Variants in ANO6 observed in about 807,000 individuals in gnomAD.
The protein encoded by ANO6 is anoctamin-6.
A neutral mutation model predicts 117.5 loss-of-function variants in ANO6; 106 were observed. The observed-to-expected ratio is 0.90, with a 90% CI of 0.77 to 1.06. ANO6 has a LOEUF of 1.06. ANO6 is among the 50% of genes least tolerant of loss of function. The pLI is 0.00. For missense variants in ANO6, 955 were observed against 1,121.1 expected (o/e 0.85, Z 2.12); for synonymous variants, 367 against 385.1 (o/e 0.95, Z 0.55).
chr12:45,324,029 C>T (rs1940377222), intron 2 of ANO6, among the ~76,000 whole-genome samples: 1 of 151,140 alleles, frequency 6.6e-6, no homozygotes, highest in Non-Finnish European at 1.5e-5. Flanking sequence ...CCTCCGCCTC[C>T]CAGGTTCAAG....
chr12:45,261,525 G>A (rs1257184175), intron 1 of ANO6, among the ~76,000 whole-genome samples: 1 of 152,212 alleles, frequency 6.6e-6, no homozygotes, highest in Non-Finnish European at 1.5e-5. Flanking sequence ...GACAACTGAG[G>A]CCAGGAACAC....
At chr12:45,229,713 T>A (rs996708961) in intron 1 of ANO6, among the ~76,000 whole-genome samples, 10 of 152,144 alleles carry the variant, frequency 6.6e-5, no homozygotes, top group African/African-American at 2.4e-4. Flanking sequence ...TAATTCTACC[T>A]CTGTCCCATT....
intron 1 of ANO6, among the ~76,000 whole-genome samples, chr12:45,263,812 G>A (rs1938126741): frequency 6.6e-6 from 1 of 152,168 alleles, no homozygotes; most frequent in Non-Finnish European, 1.5e-5. Flanking sequence ...GCCTTGGTTT[G>A]ACAAATGCTT....
intron 16 of ANO6, among the ~76,000 whole-genome samples, chr12:45,415,151 T>C (rs74446030): frequency 0.032 from 4,828 of 152,282 alleles, 105 homozygotes; most frequent in African/African-American, 0.06. Flanking sequence ...AAATTTGATA[T>C]GTCCCTGAAT....
chr12:45,348,500 AT>A lies in ANO6; in HGVS notation c.634-14del. The A allele has an allele frequency of 6.2e-7, 1 of 1,600,476 alleles. No homozygotes were observed. On this transcript the variant is annotated splice_polypyrimidine_tract_variant and intron_variant, in intron 5 of 19. Transcript: ENST00000320560. ...TTACACTATATAAACCGCATACTCTATTTTGGAATCTTTTTAGGTTTACTTC... is the reference window on the plus strand; with the variant it reads ...TTACACTATATAAACCGCATACTCTATTTGGAATCTTTTTAGGTTTACTTC...
intron 7 of ANO6, 97 bp from the exon 8 acceptor site, chr12:45,357,193 A>G: frequency 7.1e-7 from 1 of 1,414,128 alleles, no homozygotes; most frequent in South Asian, 1.2e-5. Context: ...ATTTAAGCTT[A>G]AAGCCTCTCC....
chr12:45,400,015 C>T (rs933860219), intron 12 of ANO6, among the ~76,000 whole-genome samples: 3 of 152,186 alleles, frequency 2.0e-5, no homozygotes, highest in African/African-American at 7.2e-5. Context: ...AATTAGAATT[C>T]ATTTCATAAA....
At chr12:45,243,724 G>T (rs1947781144) in intron 1 of ANO6, among the ~76,000 whole-genome samples, 1 of 151,856 alleles carries the variant, frequency 6.6e-6, no homozygotes, top group African/African-American at 2.4e-5. Flanking sequence ...TAATTTTTGT[G>T]TTTTTTGTAG....
Position 45,231,576 on chromosome 12 carries a change from C to G in ANO6, c.70+15185C>G, listed in dbSNP as rs1947574986. Among the ~76,000 whole-genome samples, 3 of 152,190 alleles carry G rather than the reference C, an allele frequency of 2.0e-5. No individual in the cohort carries two copies. The South Asian group carries it at 6.2e-4, about 31-fold the overall frequency. ...AAGCCTTTCATAGGAGTTACTTTTTCTATGAAAGCCAAAATTCCATCTTTC... is the reference window on the plus strand; with the variant it reads ...AAGCCTTTCATAGGAGTTACTTTTTGTATGAAAGCCAAAATTCCATCTTTC... On this transcript the variant is annotated intron_variant, in intron 1 of 19. Transcript: ENST00000320560.
rs948903772 is a variant in ANO6, at chr12:45,414,958, A to G, written c.2012-1741A>G. On this transcript the variant is annotated intron_variant, in intron 16 of 19. Coordinates refer to ENST00000320560, the MANE Select transcript of ANO6 (RefSeq NM_001025356.3). ...TTTGTATTTTTTGTAGAGACAGGGT[A>G]TGTTGCCTAGGCTGGTCTCAAACTC... is the stretch of plus-strand genomic sequence containing the variant. Among the ~76,000 whole-genome samples the G allele has an allele frequency of 2.6e-5, 4 of 151,964 alleles. No homozygotes were observed. The East Asian group carries it at 5.8e-4, about 22-fold the overall frequency.
intron 1 of ANO6, among the ~76,000 whole-genome samples, chr12:45,271,841 C>T (rs1938402557): frequency 6.6e-6 from 1 of 152,134 alleles, no homozygotes; most frequent in Non-Finnish European, 1.5e-5. Flanking sequence ...AACTGGGCCT[C>T]GTTGTAGAGT....
intron 3 of ANO6, among the ~76,000 whole-genome samples, chr12:45,337,155 A>C (rs1940850074): frequency 6.6e-6 from 1 of 152,122 alleles, no homozygotes; most frequent in Non-Finnish European, 1.5e-5. Flanking sequence ...GCAGTAGTGC[A>C]CATAATGTCT....
chr12:45,359,088 T>C lies in ANO6; in HGVS notation c.998+1664T>C, dbSNP rs142797043. Among the ~76,000 whole-genome samples, 194 of 152,330 alleles carry C rather than the reference T, an allele frequency of 1.3e-3. 2 individuals are homozygous for C. The highest frequency in any genetic ancestry group is 4.3e-3 in the African/African-American group (180 of 41,576). On this transcript the variant is annotated intron_variant, in intron 8 of 19. Transcript: ENST00000320560. ...CGTGAGCCACTGTGCCCGGTCCTTA[T>C]GCCCCCTTTTAAAAATAACAGTTAT...
chr12:45,292,959 A>G (rs1939152863), intron 1 of ANO6: 1 of 1,551,056 alleles, frequency 6.4e-7, no homozygotes. Flanking sequence ...CTATTTGGTG[A>G]GTTGCTGGAA....
chr12:45,352,157 TGA>T (rs1371487955), intron 7 of ANO6, among the ~76,000 whole-genome samples: 1 of 151,982 alleles, frequency 6.6e-6, no homozygotes, highest in Non-Finnish European at 1.5e-5. Flanking sequence ...ACCTTAAAAG[TGA>T]GAGTTTTAAA....
chr12:45,297,754 A>G (rs956419589), intron 1 of ANO6, among the ~76,000 whole-genome samples: 4 of 152,208 alleles, frequency 2.6e-5, no homozygotes, highest in Non-Finnish European at 4.4e-5. Flanking sequence ...ACTGTGTTAT[A>G]TAATTAATTC....
intron 12 of ANO6, among the ~76,000 whole-genome samples, chr12:45,397,781 A>G (rs1195984738): frequency 6.6e-6 from 1 of 152,206 alleles, no homozygotes; most frequent in Non-Finnish European, 1.5e-5. Flanking sequence ...TGGGAATTGA[A>G]CAATGAGATA....
At chr12:45,311,413 T>C (rs12317457) in intron 2 of ANO6, among the ~76,000 whole-genome samples, 11,086 of 152,092 alleles carry the variant, frequency 0.073, 1,360 homozygotes, top group African/African-American at 0.25. Context: ...CATTTGTACC[T>C]GTGTCCAGAA....
At position 45,414,665 on chromosome 12, in the gene ANO6, A is replaced by AT. The variant is rs886627242; in HGVS notation, c.2012-2028dup. Reference sequence around the variant, plus strand: ...ATATCTCCCAGAGCTATCCCATTTTATTTTTTCACAATGTTCCCAATACTG... The same window carrying AT: ...ATATCTCCCAGAGCTATCCCATTTTATTTTTTTCACAATGTTCCCAATACTG... On this transcript the variant is annotated intron_variant, in intron 16 of 19. Coordinates refer to ENST00000320560, the MANE Select transcript of ANO6 (RefSeq NM_001025356.3). 4.8e-4 allele frequency among the ~76,000 whole-genome samples: 73 copies of AT among 152,142 alleles called. 1 individual carries two copies. Among genetic ancestry groups the AT allele is most frequent in the African/African-American group, 1.8e-3 (73 of 41,526 alleles).
Sources: gnomAD v4.1 joint callset for allele counts (sites outside exome capture counted in the v4.1 genomes callset) on GRCh38, gnomAD v4.1.1 for gene constraint, MANE v1.5 for transcripts, NCBI Gene and HGNC (gene_info 2026-07-23, HGNC 2026-07-21) for gene names.